Variants in FHOD3 observed in about 807,000 individuals in gnomAD.
The protein encoded by FHOD3 is formin homology 2 domain containing 3, also known as FH1/FH2 domain-containing protein 3.
Under a neutral mutation model 173.0 loss-of-function variants are expected in FHOD3, and 90 were observed. The ratio of observed to expected loss-of-function variants is 0.52; its 90% CI spans 0.44 to 0.62. The LOEUF (loss-of-function observed/expected upper bound fraction) is 0.62, where lower values mean the gene tolerates loss of function less well. Ranked by LOEUF, FHOD3 falls within the 20% of genes least tolerant of loss-of-function variation. The pLI, the probability that FHOD3 is intolerant of heterozygous loss-of-function variation, is 0.00. For missense variants in FHOD3, 1,945 were observed against 2,034.7 expected (o/e 0.96, Z 0.85); for synonymous variants, 828 against 823.0 (o/e 1.01, Z -0.10).
At chr18:36,559,419 C>A (rs561879283) in intron 5 of FHOD3, among the ~76,000 whole-genome samples, 1 of 152,164 alleles carries the variant, frequency 6.6e-6, no homozygotes, top group African/African-American at 2.4e-5. Context: ...TAAAATAGGA[C>A]GAGCTGACTT....
At chr18:36,762,562 C>T (rs1031720541) in intron 27 of FHOD3, among the ~76,000 whole-genome samples, 8 of 152,154 alleles carry the variant, frequency 5.3e-5, no homozygotes, top group Middle Eastern at 3.4e-3. Context: ...TTTGGGAGGC[C>T]GAGGTCGGTG....
chr18:36,410,575 T>A (rs1353244596), intron 3 of FHOD3, among the ~76,000 whole-genome samples: 2 of 152,230 alleles, frequency 1.3e-5, no homozygotes, highest in Non-Finnish European at 2.9e-5. Context: ...GCCACATGAT[T>A]TTCCAAAGCA....
rs569113725 is a variant in FHOD3, at chr18:36,440,498, C to T, written c.338-61434C>T. ...GCGCTGCCCGCCTCCTCTGAGTCTG[C>T]GTTGGTCAAATGAAGGGGCTCCTCC... On this transcript the variant is annotated intron_variant, in intron 3 of 28. Coordinates refer to ENST00000590592, the MANE Select transcript of FHOD3 (RefSeq NM_001281740.3). 1.9e-3 allele frequency among the ~76,000 whole-genome samples: 292 copies of T among 152,356 alleles called. 3 individuals are homozygous for T. The highest frequency in any genetic ancestry group is 6.6e-3 in the African/African-American group (274 of 41,586).
At chr18:36,665,003 G>T (rs921796274) in intron 14 of FHOD3, among the ~76,000 whole-genome samples, 9 of 152,250 alleles carry the variant, frequency 5.9e-5, no homozygotes, top group African/African-American at 1.7e-4. Flanking sequence ...AGAGGCAGGA[G>T]GATCACTTGA....
At chr18:36,692,005 A>T (rs2038992380) in intron 16 of FHOD3, among the ~76,000 whole-genome samples, 1 of 152,250 alleles carries the variant, frequency 6.6e-6, no homozygotes, top group Non-Finnish European at 1.5e-5. Context: ...ACATGAGTTC[A>T]GAGGCAAGGC....
At chr18:36,469,990 G>A (rs1348826941) in intron 3 of FHOD3, among the ~76,000 whole-genome samples, 3 of 152,170 alleles carry the variant, frequency 2.0e-5, no homozygotes, top group African/African-American at 7.2e-5. Flanking sequence ...ACCGGTTCCT[G>A]TTCTTCATCA....
At chr18:36,748,176 A>G (rs1247603800) in intron 24 of FHOD3, among the ~76,000 whole-genome samples, 1 of 152,068 alleles carries the variant, frequency 6.6e-6, no homozygotes, top group East Asian at 1.9e-4. Flanking sequence ...TTTGGAATTT[A>G]ATTGTTCAAC....
chr18:36,325,633 T>C (rs2044632017), intron 1 of FHOD3, among the ~76,000 whole-genome samples: 1 of 152,144 alleles, frequency 6.6e-6, no homozygotes, highest in Non-Finnish European at 1.5e-5. Flanking sequence ...GTGCTAGCGG[T>C]GGGCAGGGTG....
At chr18:36,332,795 C>T (rs1363662101) in intron 1 of FHOD3, among the ~76,000 whole-genome samples, 1 of 152,204 alleles carries the variant, frequency 6.6e-6, no homozygotes, top group Non-Finnish European at 1.5e-5. Context: ...TTTGCTTAGT[C>T]TCCCTCTGCC....
chr18:36,390,118 C>T (rs1457723606), intron 3 of FHOD3, among the ~76,000 whole-genome samples: 1 of 152,132 alleles, frequency 6.6e-6, no homozygotes, highest in East Asian at 1.9e-4. Context: ...AGACTGGGCT[C>T]CGGCATTGAG....
intron 1 of FHOD3, among the ~76,000 whole-genome samples, chr18:36,309,158 C>T (rs1251532247): frequency 6.6e-6 from 1 of 152,068 alleles, no homozygotes; most frequent in Non-Finnish European, 1.5e-5. Context: ...CCAGGCCAGA[C>T]TTAAGGCCTG....
At chr18:36,541,870 G>GAT (rs1485558408) in intron 5 of FHOD3, among the ~76,000 whole-genome samples, 1 of 152,204 alleles carries the variant, frequency 6.6e-6, no homozygotes, top group Non-Finnish European at 1.5e-5. Context: ...TTCTGAGAAG[G>GAT]TAATGCCCTT....
At chr18:36,676,267 C>T (rs1199505447) in intron 14 of FHOD3, among the ~76,000 whole-genome samples, 1 of 152,164 alleles carries the variant, frequency 6.6e-6, no homozygotes, top group Non-Finnish European at 1.5e-5. Context: ...ATTTAAACTT[C>T]ATAGAAATGA....
intron 5 of FHOD3, among the ~76,000 whole-genome samples, chr18:36,516,568 G>A (rs2055991550): frequency 6.6e-6 from 1 of 152,168 alleles, no homozygotes; most frequent in African/African-American, 2.4e-5. Flanking sequence ...GAACTGGCTG[G>A]TCGCTAGCCA....
intron 28 of FHOD3, among the ~76,000 whole-genome samples, chr18:36,771,995 A>G (rs920052246): frequency 3.9e-5 from 6 of 152,202 alleles, no homozygotes; most frequent in African/African-American, 1.4e-4. Context: ...TAGACTCATA[A>G]TGTCACTGGG....
intron 1 of FHOD3, among the ~76,000 whole-genome samples, chr18:36,349,614 A>G (rs1327956294): frequency 1.3e-5 from 2 of 152,236 alleles, no homozygotes; most frequent in Non-Finnish European, 2.9e-5. Context: ...TGCCTGGGCT[A>G]TGGATCGCTG....
At chr18:36,589,992 A>G (rs955294357) in intron 6 of FHOD3, among the ~76,000 whole-genome samples, 2 of 152,060 alleles carry the variant, frequency 1.3e-5, no homozygotes, top group African/African-American at 4.8e-5. Context: ...GATTGGAGTG[A>G]TGCTTTGCTG....
intron 3 of FHOD3, among the ~76,000 whole-genome samples, chr18:36,436,257 T>A (rs1043086541): frequency 6.6e-6 from 1 of 152,212 alleles, no homozygotes; most frequent in Non-Finnish European, 1.5e-5. Context: ...TTGTTCTCAA[T>A]TCCTTAAAGA....
intron 28 of FHOD3, 129 bp from the exon 29 acceptor site, chr18:36,779,319 T>G: frequency 2.6e-6 from 2 of 781,416 alleles, no homozygotes; most frequent in Non-Finnish European, 4.2e-6. Context: ...GTACAGAGTG[T>G]GAACCCTCTG....
Sources: gnomAD v4.1 joint callset for allele counts (sites outside exome capture counted in the v4.1 genomes callset) on GRCh38, gnomAD v4.1.1 for gene constraint, MANE v1.5 for transcripts, NCBI Gene and HGNC (gene_info 2026-07-23, HGNC 2026-07-21) for gene names.